The following ARID2 variants were observed in gnomAD, a reference collection of about 807,000 sequenced individuals.
The protein encoded by ARID2 is AT-rich interactive domain-containing protein 2.
In ARID2, 32 loss-of-function variants were observed where a neutral mutation model predicts 184.6. The ratio of observed to expected loss-of-function variants is 0.17; its 90% CI spans 0.13 to 0.23. The LOEUF (loss-of-function observed/expected upper bound fraction) is 0.23. Ranked by LOEUF, ARID2 falls within the 10% of genes least tolerant of loss-of-function variation. The pLI, the probability that ARID2 is intolerant of heterozygous loss-of-function variation, is 1.00. For synonymous variants in ARID2, 836 were observed against 772.6 expected (o/e 1.08, Z -1.36); for missense variants, 1,696 against 2,197.6 (o/e 0.77, Z 4.56).
At chr12:45,839,799 T>C (rs1943305273) in intron 11 of ARID2, 1 of 231,860 alleles carries the variant, frequency 4.3e-6, no homozygotes, top group South Asian at 1.3e-4. Context: ...ATATTATTTG[T>C]GATTTTGGTC....
intron 16 of ARID2, among the ~76,000 whole-genome samples, chr12:45,867,056 TTC>T (rs962836859): frequency 2.0e-5 from 3 of 152,050 alleles, no homozygotes; most frequent in African/African-American, 7.2e-5. Context: ...GTTCAAACGA[TTC>T]TCTTGGCTCA....
intron 3 of ARID2, among the ~76,000 whole-genome samples, chr12:45,738,393 C>A (rs1012733829): frequency 6.6e-6 from 1 of 152,130 alleles, no homozygotes; most frequent in African/African-American, 2.4e-5. Flanking sequence ...TGGCTCACTG[C>A]AACCTTCACC....
At chr12:45,848,636 A>G (rs1382352922) in intron 12 of ARID2, among the ~76,000 whole-genome samples, 200 bp from the exon 13 acceptor site, 1 of 152,100 alleles carries the variant, frequency 6.6e-6, no homozygotes, top group African/African-American at 2.4e-5. Flanking sequence ...GTCATTTTTA[A>G]TACTAAAATA....
intron 8 of ARID2, 102 bp from the exon 9 acceptor site, chr12:45,837,219 C>G: frequency 8.6e-7 from 1 of 1,169,110 alleles, no homozygotes; most frequent in East Asian, 2.4e-5. Context: ...CATTTTTTAA[C>G]GTTATGCAAC....
At chr12:45,897,237 CA>C (rs2136465931) in intron 20 of ARID2, among the ~76,000 whole-genome samples, 1 of 152,290 alleles carries the variant, frequency 6.6e-6, no homozygotes, top group East Asian at 1.9e-4. Flanking sequence ...TACATCAAAA[CA>C]ATGAAGTTGG....
chr12:45,754,110 A>G (rs1486273489), intron 3 of ARID2, among the ~76,000 whole-genome samples: 1 of 152,220 alleles, frequency 6.6e-6, no homozygotes, highest in African/African-American at 2.4e-5. Context: ...GAATGAATAC[A>G]TTCTGGTTTA....
At chr12:45,773,220 A>G (rs1267786099) in intron 3 of ARID2, among the ~76,000 whole-genome samples, 3 of 152,068 alleles carry the variant, frequency 2.0e-5, no homozygotes, top group Non-Finnish European at 4.4e-5. Context: ...ATGAAGAAAT[A>G]ATATACTAAA....
At chr12:45,756,988 TCTC>T (rs1430885730) in intron 3 of ARID2, among the ~76,000 whole-genome samples, 1 of 152,150 alleles carries the variant, frequency 6.6e-6, no homozygotes, top group Non-Finnish European at 1.5e-5. Context: ...TCAGGAATAG[TCTC>T]CTTGCAATGC....
At chr12:45,889,529 T>TA (rs1189266209) in intron 16 of ARID2, among the ~76,000 whole-genome samples, 1 of 152,214 alleles carries the variant, frequency 6.6e-6, no homozygotes, top group Non-Finnish European at 1.5e-5. Flanking sequence ...CTTCATCACT[T>TA]ACACTTCTCC....
At chr12:45,838,292 G>A (rs563580946) in intron 10 of ARID2, among the ~76,000 whole-genome samples, 1 of 152,300 alleles carries the variant, frequency 6.6e-6, no homozygotes, top group East Asian at 1.9e-4. Context: ...CACATGCCAT[G>A]TTAACGTTTT....
In ARID2 at chr12:45,761,103, A is replaced by G. The variant is rs181132167; in HGVS notation, c.284+29789A>G. ...ATTAGAATTTAATGTGATTATTTCT[A>G]TGTTAGAACTTAGCTCTGCCATTTT... On this transcript the variant is annotated intron_variant, in intron 3 of 20. Coordinates refer to ENST00000334344, the MANE Select transcript of ARID2 (RefSeq NM_152641.4). Among the ~76,000 whole-genome samples the G allele has an allele frequency of 2.1e-3, 318 of 152,306 alleles. 1 individual carries two copies. Among genetic ancestry groups the G allele is most frequent in the African/African-American group, 7.4e-3 (306 of 41,558 alleles).
At chr12:45,806,810 C>A (rs541954003) in intron 3 of ARID2, among the ~76,000 whole-genome samples, 1 of 152,132 alleles carries the variant, frequency 6.6e-6, no homozygotes, top group Admixed American at 6.5e-5. Flanking sequence ...CCAGTCATTC[C>A]GTGCTGGTGC....
chr12:45,766,885 TTG>T lies in ARID2; in HGVS notation c.284+35572_284+35573del, dbSNP rs1565588300. Among the ~76,000 whole-genome samples the T allele has an allele frequency of 5.4e-3, 825 of 152,100 alleles. 7 individuals carry two copies. The highest frequency in any genetic ancestry group is 0.019 in the African/African-American group (787 of 41,490). On this transcript the variant is annotated intron_variant, in intron 3 of 20. Coordinates refer to ENST00000334344, the MANE Select transcript of ARID2 (RefSeq NM_152641.4). Reference sequence around the variant, plus strand: ...TGGGAGGCTGAGGCAGGAGAATCACTTGAACCTGGGAGGCAGAGATTGCGGTG... The same window carrying T: ...TGGGAGGCTGAGGCAGGAGAATCACTAACCTGGGAGGCAGAGATTGCGGTG...
chr12:45,896,296 A>G (rs574716049), intron 20 of ARID2, among the ~76,000 whole-genome samples: 4 of 152,296 alleles, frequency 2.6e-5, no homozygotes, highest in Admixed American at 1.3e-4. Context: ...AAGAGGTGCT[A>G]TGATTGGAAG....
At chr12:45,845,631 A>G (rs1365068859) in intron 11 of ARID2, among the ~76,000 whole-genome samples, 1 of 152,182 alleles carries the variant, frequency 6.6e-6, no homozygotes, top group Non-Finnish European at 1.5e-5. Context: ...ATGTTTATTA[A>G]ATGGCTACAA....
At position 45,731,179 on chromosome 12, in the gene ARID2, T is replaced by A. The variant is rs772814699; in HGVS notation, c.187-38T>A. On this transcript the variant is annotated intron_variant, in intron 2 of 20. Transcript: ENST00000334344. ...ATAGTTAGGTTAAGATTTTCTTAGA[T>A]TGTTCACGTTCAGACAACTGTGCCT... 2.8e-6 allele frequency: 4 copies of A among 1,424,484 alleles called. No homozygotes were observed. The South Asian group carries it at 4.6e-5, about 16-fold the overall frequency. 88.2% of individuals were successfully genotyped at this position (1,424,484 alleles called of 1,614,324 possible).
intron 11 of ARID2, chr12:45,840,543 A>G (rs1943325448): frequency 6.6e-6 from 1 of 152,156 alleles, no homozygotes; most frequent in African/African-American, 2.4e-5. Flanking sequence ...CCTTTCAGCT[A>G]GAAATGCGTT....
At chr12:45,864,007 C>T (rs890486384) in intron 16 of ARID2, among the ~76,000 whole-genome samples, 1 of 151,872 alleles carries the variant, frequency 6.6e-6, no homozygotes. Flanking sequence ...AGGTGCATGC[C>T]GCCACACCAA....
chr12:45,899,349 A>G (rs1412825228), intron 20 of ARID2, among the ~76,000 whole-genome samples: 1 of 150,172 alleles, frequency 6.7e-6, no homozygotes, highest in Non-Finnish European at 1.5e-5. Flanking sequence ...TCACACCTGT[A>G]ATCCCAGCAC....
Sources: allele counts gnomAD v4.1 joint callset (sites outside exome capture counted in the v4.1 genomes callset), GRCh38; gene constraint gnomAD v4.1.1; transcripts MANE v1.5; gene names NCBI Gene and HGNC (gene_info 2026-07-23, HGNC 2026-07-21).